Variants in STATH observed in about 807,000 individuals in gnomAD.
The protein encoded by STATH is statherin.
In STATH, 11 loss-of-function variants were observed where a neutral mutation model predicts 13.3. That is an observed-to-expected ratio of 0.83 (90% CI 0.52 to 1.37). The LOEUF (loss-of-function observed/expected upper bound fraction) is 1.37. Among genes scored for constraint, STATH ranks in the 40% most tolerant of loss-of-function variants. STATH has a pLI of 0.00. For missense variants in STATH, 78 were observed against 73.3 expected (o/e 1.06, Z -0.24); for synonymous variants, 25 against 23.6 (o/e 1.06, Z -0.17).
intron 5 of STATH, 56 bp from the exon 6 acceptor site, chr4:70,002,133 T>A (rs1232534290): frequency 6.6e-6 from 1 of 151,688 alleles, no homozygotes; most frequent in Non-Finnish European, 1.5e-5. Flanking sequence ...AATATAAATG[T>A]GTTTACAGGG....
chr4:69,998,773 T>C, intron 2 of STATH: 1 of 239,000 alleles, frequency 4.2e-6, no homozygotes, highest in Non-Finnish European at 8.0e-6. Flanking sequence ...CTTCTAAAAG[T>C]ATCTTTAAAC....
chr4:70,000,882 A>G lies in STATH; in HGVS notation c.122A>G (p.Gln41Arg). The change falls in exon 5 of 6, where the codon CAG becomes CGG. Residue 41 changes from glutamine to arginine, a missense_variant. Transcript: ENST00000246895. ...GRFGYGYGPY[Q>R]PVPEQPLYPQ... is the part of the protein sequence containing the mutation. ...ATACAGTATGGGTATGGCCCTTATC[A>G]GCCAGTTCCAGAACAACCACTATAC... 3 of 1,612,070 alleles carry G rather than the reference A, an allele frequency of 1.9e-6. No homozygotes were observed. The highest frequency in any genetic ancestry group is 2.2e-5 in the South Asian group (2 of 91,036).
At chr4:69,999,912 G>A in intron 4 of STATH, 103 bp downstream of exon 4, 1 of 1,319,020 alleles carries the variant, frequency 7.6e-7, no homozygotes, top group Non-Finnish European at 1.1e-6. Context: ...ATGTGTAGTA[G>A]TTGCAAAAGT....
intron 4 of STATH, among the ~76,000 whole-genome samples, chr4:70,000,623 A>G (rs41292323): frequency 2.0e-3 from 297 of 151,974 alleles, no homozygotes; most frequent in Non-Finnish European, 3.2e-3. Context: ...GTGTTCCTGC[A>G]TGTGAAATAA....
chr4:69,996,463 C>A (rs1289994443), intron 1 of STATH, among the ~76,000 whole-genome samples: 5 of 152,026 alleles, frequency 3.3e-5, no homozygotes, highest in Non-Finnish European at 7.4e-5. Flanking sequence ...CATAAGTAAA[C>A]ATTTCTCACT....
At position 69,998,446 on chromosome 4, in the gene STATH, C is replaced by A. The variant is rs144461948; in HGVS notation, c.9C>A (p.Phe3Leu). 6.2e-7 allele frequency: 1 copy of A among 1,612,024 alleles called. No homozygotes were observed. The highest frequency in any genetic ancestry group is 1.3e-5 in the African/African-American group (1 of 74,818). The stretch of plus-strand genomic sequence containing the variant: ...AGAGAACCCAGCCAACTATGAAGTT[C>A]CTTGTCTTTGCCTTCATCTTGGCTC... The part of the protein sequence containing the change: MK[F>L]LVFAFILALM... The change falls in exon 2 of 6, where the codon TTC (phenylalanine) becomes TTA (leucine). Residue 3 changes from phenylalanine (F) to leucine (L), a missense_variant. Phe to Leu is a conservative substitution (Grantham distance 22). Transcript: ENST00000246895.
rs757403720 is a variant in STATH at position 69,999,700 on chromosome 4, C to CGAAA, written c.72+13_72+14insGAAA. On this transcript the variant is annotated intron_variant, in intron 3 of 5. Coordinates refer to ENST00000246895, the MANE Select transcript of STATH (RefSeq NM_003154.3). ...TTCATCTGAAGAGGTGAGTCATTTT[C>CGAAA]ATTCACTGGAAAACTTGTTTTCAGT... 2.5e-6 allele frequency: 4 copies of CGAAA among 1,611,172 alleles called. No individual in the cohort carries two copies. The highest frequency in any genetic ancestry group is 3.4e-6 in the Non-Finnish European group (4 of 1,178,728).
At chr4:70,000,076 T>TA in intron 4 of STATH, 2 of 424,288 alleles carry the variant, frequency 4.7e-6, no homozygotes, top group Middle Eastern at 1.3e-3. Context: ...CACTTTGACC[T>TA]AAAAAATAGT....
chr4:70,001,873 A>C (rs1399316491), intron 5 of STATH, among the ~76,000 whole-genome samples: 1 of 151,796 alleles, frequency 6.6e-6, no homozygotes, highest in Non-Finnish European at 1.5e-5. Flanking sequence ...TTTAATCAAG[A>C]AAAGATGTAT....
chr4:69,999,300 T>C (rs527381734), intron 2 of STATH, among the ~76,000 whole-genome samples: 5 of 152,064 alleles, frequency 3.3e-5, no homozygotes, highest in African/African-American at 9.6e-5. Context: ...AAAAACATAA[T>C]GCTTGTCTCT....
chr4:69,999,903 T>C, intron 4 of STATH, 94 bp downstream of exon 4: 3 of 1,415,380 alleles, frequency 2.1e-6, no homozygotes, highest in Non-Finnish European at 2.9e-6. Context: ...TTCTCAAATA[T>C]GTGTAGTAGT....
chr4:70,000,940 T>C lies in STATH; in HGVS notation c.180T>C (p.Tyr60=). 1 of 1,610,976 alleles carries C rather than the reference T, an allele frequency of 6.2e-7. No homozygotes were observed. Among genetic ancestry groups the C allele is most frequent in the African/African-American group, 1.3e-5 (1 of 74,898 alleles). The change falls in exon 5 of 6, where the codon TAT becomes TAC. Residue 60 remains tyrosine (Y), a synonymous_variant. Transcript: ENST00000246895. The part of the protein sequence containing the change: ...PQPYQPQYQQ[Y]TF Reference sequence around the variant, plus strand: ...CATACCAACCACAATACCAACAATATACCTTTTAATATCATCAGTAACTGC... The same window carrying C: ...CATACCAACCACAATACCAACAATACACCTTTTAATATCATCAGTAACTGC...
intron 1 of STATH, among the ~76,000 whole-genome samples, chr4:69,996,941 T>C (rs1349512910): frequency 2.8e-4 from 42 of 149,664 alleles, no homozygotes; most frequent in African/African-American, 1.0e-3. Context: ...TTTTTTTTTT[T>C]TTTTTTTTAA....
In STATH at chr4:70,002,206, G is replaced by A. The variant is rs755927958; in HGVS notation, c.*51G>A. 1.3e-5 allele frequency: 2 copies of A among 150,706 alleles called. No individual in the cohort carries two copies. Among genetic ancestry groups the A allele is most frequent in the Non-Finnish European group, 3.0e-5 (2 of 67,542 alleles). 9.3% of individuals were successfully genotyped at this position (150,706 alleles called of 1,614,324 possible). ...CTGTGCAGGCTTGATTGGCAAATAC[G>A]ACTTCTACATCCATATTCTCATCTT... On this transcript the variant is annotated 3_prime_UTR_variant, in exon 6 of 6. Coordinates refer to ENST00000246895, the MANE Select transcript of STATH (RefSeq NM_003154.3).
At chr4:70,000,024 C>G (rs983116969) in intron 4 of STATH, 15 of 560,258 alleles carry the variant, frequency 2.7e-5, no homozygotes, top group African/African-American at 2.3e-4. Flanking sequence ...CCTGAAGAAA[C>G]CAGTTACTCC....
intron 1 of STATH, among the ~76,000 whole-genome samples, chr4:69,996,796 G>T (rs1392006818): frequency 2.0e-5 from 3 of 151,442 alleles, no homozygotes; most frequent in Non-Finnish European, 4.4e-5. Flanking sequence ...AAAATTTACA[G>T]GTATAAAATA....
In STATH at chr4:69,999,650, A is replaced by T. The variant is rs757595567; in HGVS notation, c.52-17A>T. The T allele has an allele frequency of 6.2e-7, 1 of 1,608,288 alleles. No homozygotes were observed. The highest frequency in any genetic ancestry group is 8.5e-7 in the Non-Finnish European group (1 of 1,177,422). ...ACATTAAGATACTAACTATTGTCTAATTTTCTGTTTTCTAAGGGAGCTGAT... is the reference window on the plus strand; with the variant it reads ...ACATTAAGATACTAACTATTGTCTATTTTTCTGTTTTCTAAGGGAGCTGAT... On this transcript the variant is annotated splice_polypyrimidine_tract_variant and intron_variant, in intron 2 of 5. Coordinates refer to ENST00000246895, the MANE Select transcript of STATH (RefSeq NM_003154.3).
intron 5 of STATH, among the ~76,000 whole-genome samples, chr4:70,001,290 G>T (rs934620093): frequency 1.3e-5 from 2 of 151,730 alleles, no homozygotes; most frequent in African/African-American, 2.4e-5. Context: ...TCAAAAAATT[G>T]TGTATTATGA....
chr4:70,000,766 G>C, intron 4 of STATH, 97 bp from the exon 5 acceptor site: 1 of 874,296 alleles, frequency 1.1e-6, no homozygotes, highest in Non-Finnish European at 1.9e-6. Flanking sequence ...TAATATGTAA[G>C]TTCCTAAAAC....
Sources: gnomAD v4.1 joint callset for allele counts (sites outside exome capture counted in the v4.1 genomes callset) on GRCh38, gnomAD v4.1.1 for gene constraint, MANE v1.5 for transcripts, NCBI Gene and HGNC (gene_info 2026-07-23, HGNC 2026-07-21) for gene names.